The following TMEM237 variants were observed in gnomAD, a reference collection of about 807,000 sequenced individuals.
The protein encoded by TMEM237 is transmembrane protein 237, also known as amyotrophic lateral sclerosis 2 (juvenile) chromosome region, candidate 4.
In TMEM237, 51 loss-of-function variants were observed where a neutral mutation model predicts 59.1. The observed-to-expected ratio is 0.86, with a 90% confidence interval of 0.69 to 1.09. The LOEUF is 1.09. TMEM237 is among the 50% of genes least tolerant of loss of function. The probability of loss-of-function intolerance (pLI) is 0.00; values close to 1 mark genes in which losing one functional copy is unlikely to be tolerated. For missense variants in TMEM237, 475 were observed against 478.3 expected, an observed-to-expected ratio of 0.99 and a Z score of 0.06; for synonymous variants, 140 against 166.1, an observed-to-expected ratio of 0.84 and a Z score of 1.21.
intron 1 of TMEM237, chr2:201,642,692 C>T: frequency 2.5e-6 from 4 of 1,591,602 alleles, no homozygotes; most frequent in Non-Finnish European, 3.4e-6. Flanking sequence ...CCTCCCGGCT[C>T]GGTCGCGCGC....
chr2:201,626,148 C>T lies in TMEM237; in HGVS notation c.1038-1G>A. On this transcript the variant is annotated splice_acceptor_variant, in intron 11 of 12. Transcript: ENST00000409883. LOFTEE classifies it high-confidence loss of function. ...AATCTGTTCCTCAATTCCTGCTTCC[C>T]TAAAAATGTAGAAACACTCATTAGA... is the stretch of plus-strand genomic sequence containing the variant. 1 of 1,610,548 alleles carries T rather than the reference C, an allele frequency of 6.2e-7. No individual in the cohort carries two copies. The highest frequency in any genetic ancestry group is 8.5e-7 in the Non-Finnish European group (1 of 1,178,346).
Position 201,626,031 on chromosome 2 carries a change from C to T in TMEM237, c.1154G>A (p.Ser385Asn), listed in dbSNP as rs1362249907. 6.3e-7 allele frequency: 1 copy of T among 1,581,118 alleles called. No homozygotes were observed. Among genetic ancestry groups the T allele is most frequent in the Non-Finnish European group, 8.6e-7 (1 of 1,162,520 alleles). Residue 385 changes from serine (S) to asparagine (N), a missense_variant, in exon 12 of 13, where the codon AGT becomes AAT. Coordinates refer to ENST00000409883, the MANE Select transcript of TMEM237 (RefSeq NM_001044385.3). ...FLSYRPGMDL[S>N]EELMFSSEVE... Reference sequence around the variant, plus strand: ...CTATTTTTTTTCTTTAATACCTTCACTAAGATCCATGCCTGGCCTATAAGA... The same window carrying T: ...CTATTTTTTTTCTTTAATACCTTCATTAAGATCCATGCCTGGCCTATAAGA...
At chr2:201,641,373 T>C (rs180967878) in intron 1 of TMEM237, among the ~76,000 whole-genome samples, 1 of 152,174 alleles carries the variant, frequency 6.6e-6, no homozygotes, top group Non-Finnish European at 1.5e-5. Flanking sequence ...AATCTCTTGA[T>C]AATCTTGTTC....
At chr2:201,628,464 G>A (rs967902382) in intron 9 of TMEM237, among the ~76,000 whole-genome samples, 42 of 151,906 alleles carry the variant, frequency 2.8e-4, no homozygotes, top group Admixed American at 1.6e-3. Flanking sequence ...GCTCTAACTC[G>A]GTGGATTTTT....
Position 201,632,210 on chromosome 2 carries a change from T to C in TMEM237, c.396-2A>G, listed in dbSNP as rs2105900297. ...TGTAATTCTGCTGGCTGGGTTTTCC[T>C]GTAATAAGGACGTATGTATGAAAAA... On this transcript the variant is annotated splice_acceptor_variant, in intron 6 of 12. Coordinates refer to ENST00000409883, the MANE Select transcript of TMEM237 (RefSeq NM_001044385.3). LOFTEE classifies it high-confidence loss of function. The C allele has an allele frequency of 6.2e-7, 1 of 1,613,688 alleles. No homozygotes were observed. The highest frequency in any genetic ancestry group is 2.2e-5 in the East Asian group (1 of 44,870).
rs760674325 is a variant in TMEM237 at position 201,642,729 on chromosome 2, G to T, written c.42+630C>A. On this transcript the variant is annotated intron_variant, in intron 1 of 12. Coordinates refer to ENST00000409883, the MANE Select transcript of TMEM237 (RefSeq NM_001044385.3). The stretch of plus-strand genomic sequence containing the variant: ...CAGGCGCAATGCGTCATCGGGCCGC[G>T]CCGCCTGGCTAGTACCCCGCGCGCA... 8 of 1,527,980 alleles carry T rather than the reference G, an allele frequency of 5.2e-6. No individual in the cohort carries two copies. In the South Asian group the frequency reaches 8.6e-5, roughly 16 times the overall value. 94.7% of individuals were successfully genotyped at this position (1,527,980 alleles called of 1,614,324 possible).
chr2:201,642,696 C>G (rs1687451468), intron 1 of TMEM237: 3 of 1,589,400 alleles, frequency 1.9e-6, no homozygotes, highest in Middle Eastern at 1.7e-4. Flanking sequence ...CCGGCTCGGT[C>G]GCGCGCGCAG....
chr2:201,638,213 A>C (rs956768457), intron 4 of TMEM237, among the ~76,000 whole-genome samples: 4 of 152,356 alleles, frequency 2.6e-5, no homozygotes, highest in African/African-American at 9.6e-5. Flanking sequence ...TGTATTAAGA[A>C]ACAAAGATAG....
intron 1 of TMEM237, 134 bp from the exon 2 acceptor site, chr2:201,641,058 C>A (rs1474670486): frequency 6.3e-6 from 4 of 639,238 alleles, no homozygotes; most frequent in East Asian, 6.4e-5. Flanking sequence ...ACGGCACGAT[C>A]TTGGCTCACT....
Position 201,623,141 on chromosome 2 carries a change from G to T in TMEM237, c.*1114C>A. The T allele has an allele frequency of 4.1e-6, 1 of 246,082 alleles. No individual in the cohort carries two copies. The allele number at this position is 246,082 out of a possible 1,614,324, so 15.2% of individuals were successfully genotyped here. On this transcript the variant is annotated 3_prime_UTR_variant, in exon 13 of 13. Transcript: ENST00000409883. ...CTCCAAATTTAGACCTATTGTCAGG[G>T]TCAACTGTCTCTATCATCAATTTGT...
chr2:201,640,938 A>C lies in TMEM237; in HGVS notation c.43-14T>G. Reference sequence around the variant, plus strand: ...TCGTGGAGGACGCTGTGGCGGAAAAAATAAATTTGCTTGTAAGTAAAAGCC... The same window carrying C: ...TCGTGGAGGACGCTGTGGCGGAAAACATAAATTTGCTTGTAAGTAAAAGCC... On this transcript the variant is annotated splice_polypyrimidine_tract_variant and intron_variant, in intron 1 of 12. Coordinates refer to ENST00000409883, the MANE Select transcript of TMEM237 (RefSeq NM_001044385.3). 1.9e-6 allele frequency: 3 copies of C among 1,602,424 alleles called. No homozygotes were observed. In the Admixed American group the frequency reaches 5.0e-5, roughly 27 times the overall value.
At chr2:201,641,053 A>C in intron 1 of TMEM237, 129 bp from the exon 2 acceptor site, 1 of 699,990 alleles carries the variant, frequency 1.4e-6, no homozygotes. Flanking sequence ...GTGCAACGGC[A>C]CGATCTTGGC....
At chr2:201,628,254 T>C in intron 9 of TMEM237, 105 bp from the exon 10 acceptor site, 1 of 696,744 alleles carries the variant, frequency 1.4e-6, no homozygotes, top group Non-Finnish European at 2.4e-6. Flanking sequence ...CTAGCACATA[T>C]ACTATTACTA....
At position 201,643,329 on chromosome 2, in the gene TMEM237, C is replaced by G. The variant is rs372184769; in HGVS notation, c.42+30G>C. 22 of 1,545,920 alleles carry G rather than the reference C, an allele frequency of 1.4e-5. No individual in the cohort carries two copies. Among genetic ancestry groups the G allele is most frequent in the Admixed American group, 7.9e-5 (4 of 50,766 alleles). The stretch of plus-strand genomic sequence containing the variant: ...AAGTGTAGCTGTTTACCCGCCACCT[C>G]TCGAGGCCGACGCGCCCCTCGCCGC... On this transcript the variant is annotated intron_variant, in intron 1 of 12. Coordinates refer to ENST00000409883, the MANE Select transcript of TMEM237 (RefSeq NM_001044385.3). This position sits in a 1 kb window ranked among gnomAD's most constrained non-coding sequence, Gnocchi z 4.3.
intron 7 of TMEM237, among the ~76,000 whole-genome samples, chr2:201,630,460 T>C (rs548355716): frequency 1.3e-3 from 198 of 152,298 alleles, no homozygotes; most frequent in African/African-American, 4.6e-3. Flanking sequence ...CTCCTTCTTG[T>C]ATATCTAGTA....
At chr2:201,640,784 A>G in intron 2 of TMEM237, 109 bp downstream of exon 2, 1 of 931,048 alleles carries the variant, frequency 1.1e-6, no homozygotes, top group Non-Finnish European at 1.6e-6. Flanking sequence ...ATTTTTCAGA[A>G]GAGTTTCCTG....
chr2:201,628,853 A>G (rs189376671), intron 9 of TMEM237, among the ~76,000 whole-genome samples: 46 of 152,326 alleles, frequency 3.0e-4, no homozygotes, highest in Non-Finnish European at 4.4e-5. Context: ...CTCCAGACCC[A>G]TAAGAGAATA....
At chr2:201,634,817 GCTCCATT>G (rs1291273973) in intron 5 of TMEM237, 1 of 412,252 alleles carries the variant, frequency 2.4e-6, no homozygotes, top group East Asian at 8.3e-5. Context: ...CCAAAATTAT[GCTCCATT>G]CTCCTGACTT....
At chr2:201,642,817 G>A (rs1202470250) in intron 1 of TMEM237, 2 of 1,355,192 alleles carry the variant, frequency 1.5e-6, no homozygotes, top group African/African-American at 1.5e-5. Flanking sequence ...GTCCAGACTA[G>A]CCCTGCCAAA....
Sources: gnomAD v4.1 joint callset for allele counts (sites outside exome capture counted in the v4.1 genomes callset) on GRCh38, gnomAD v4.1.1 for gene constraint, Gnocchi (gnomAD v3.1) non-coding constraint, MANE v1.5 for transcripts, NCBI Gene and HGNC (gene_info 2026-07-23, HGNC 2026-07-21) for gene names.